Variants in POLDIP3 observed in about 807,000 individuals in gnomAD.
POLDIP3 encodes polymerase delta-interacting protein 3.
A neutral mutation model predicts 45.1 loss-of-function variants in POLDIP3; 14 were observed. That is an observed-to-expected ratio of 0.31 (90% CI 0.20 to 0.49). POLDIP3 has a LOEUF of 0.49. POLDIP3 is among the 20% of genes least tolerant of loss of function. The pLI is 0.99. For missense variants in POLDIP3, 511 were observed against 538.8 expected, an observed-to-expected ratio of 0.95 and a Z score of 0.51; for synonymous variants, 223 against 205.2, an observed-to-expected ratio of 1.09 and a Z score of -0.74.
At chr22:42,600,867 G>A (rs1325456369) in intron 3 of POLDIP3, among the ~76,000 whole-genome samples, 2 of 152,152 alleles carry the variant, frequency 1.3e-5, no homozygotes. Context: ...TACTTGGGAG[G>A]CAGAGGCAGG....
intron 2 of POLDIP3, 123 bp from the exon 3 acceptor site, chr22:42,602,179 A>T: frequency 5.5e-6 from 8 of 1,447,756 alleles, no homozygotes; most frequent in Non-Finnish European, 7.6e-6. Context: ...AAGGCACTAC[A>T]GAGGGCCTTA....
At chr22:42,587,621 T>C in intron 7 of POLDIP3, 49 bp from the exon 8 acceptor site, 1 of 1,542,388 alleles carries the variant, frequency 6.5e-7, no homozygotes, top group East Asian at 2.2e-5. Context: ...CCTCGGCTCC[T>C]CACACAAGAG....
chr22:42,584,729 C>A lies in POLDIP3; in HGVS notation c.*1062G>T, dbSNP rs1372264492. On this transcript the variant is annotated 3_prime_UTR_variant, in exon 9 of 9. Coordinates refer to ENST00000252115, the MANE Select transcript of POLDIP3 (RefSeq NM_032311.5). ...TCCTCTGCCAAGGCAGGAAAATAATCCTCTGGTCATGGATGGATGGGGTCA... is the reference window on the plus strand; with the variant it reads ...TCCTCTGCCAAGGCAGGAAAATAATACTCTGGTCATGGATGGATGGGGTCA... 2.8e-6 allele frequency: 1 copy of A among 361,756 alleles called. No homozygotes were observed. The allele number at this position is 361,756 out of a possible 1,614,324, so 22.4% of individuals were successfully genotyped here. A position where few individuals can be genotyped will look rare whatever the true frequency, so the allele number is the denominator to read the frequency against.
At chr22:42,600,500 C>T (rs548146940) in intron 3 of POLDIP3, among the ~76,000 whole-genome samples, 2 of 152,176 alleles carry the variant, frequency 1.3e-5, no homozygotes, top group African/African-American at 2.4e-5. Flanking sequence ...GTGGCATGCG[C>T]CTGTAGTCCC....
intron 1 of POLDIP3, among the ~76,000 whole-genome samples, chr22:42,607,191 C>T (rs970776322): frequency 2.6e-5 from 4 of 152,210 alleles, no homozygotes; most frequent in Non-Finnish European, 5.9e-5. Context: ...GCCGCCATCT[C>T]GGCTCACTGC....
rs775614860 is a variant in POLDIP3, at chr22:42,585,947, T to C, written c.1110A>G (p.Ser370=). Residue 370 remains serine, a synonymous_variant, in exon 9 of 9, where the codon TCA becomes TCG. Coordinates refer to ENST00000252115, the MANE Select transcript of POLDIP3 (RefSeq NM_032311.5). The part of the protein sequence containing the change: ...PILLRLSDSP[S]MKKESELPRR... The stretch of plus-strand genomic sequence containing the variant: ...GAGGCAGCTCGCTCTCCTTTTTCAT[T>C]GATGGGCTGTCACTCAGCCGCCTGT... 1 of 1,612,876 alleles carries C rather than the reference T, an allele frequency of 6.2e-7. No homozygotes were observed. The highest frequency in any genetic ancestry group is 8.5e-7 in the Non-Finnish European group (1 of 1,179,460).
At chr22:42,594,928 T>C (rs1048006754) in intron 6 of POLDIP3, among the ~76,000 whole-genome samples, 1 of 152,182 alleles carries the variant, frequency 6.6e-6, no homozygotes, top group Non-Finnish European at 1.5e-5. Flanking sequence ...CATTATAGCA[T>C]AGATATCCCC....
intron 4 of POLDIP3, among the ~76,000 whole-genome samples, chr22:42,598,239 C>T (rs960967802): frequency 3.3e-5 from 5 of 149,344 alleles, no homozygotes; most frequent in Non-Finnish European, 5.9e-5. Flanking sequence ...CCCGCCACCA[C>T]ACCCCGGATA....
chr22:42,603,939 A>G (rs1056899415), intron 1 of POLDIP3, among the ~76,000 whole-genome samples: 4 of 152,184 alleles, frequency 2.6e-5, no homozygotes, highest in African/African-American at 9.7e-5. Flanking sequence ...TTAAAATAAA[A>G]TATTTTTTTT....
intron 3 of POLDIP3, among the ~76,000 whole-genome samples, chr22:42,601,471 G>T (rs916022971): frequency 1.3e-5 from 2 of 151,366 alleles, no homozygotes; most frequent in Non-Finnish European, 2.9e-5. Flanking sequence ...CTATTAAGAA[G>T]TTTCTTCTTG....
chr22:42,597,873 G>A, intron 4 of POLDIP3: 1 of 395,614 alleles, frequency 2.5e-6, no homozygotes, highest in East Asian at 7.3e-5. Flanking sequence ...CTCCACCTCG[G>A]GGTTCAAACA....
chr22:42,596,439 A>G, intron 4 of POLDIP3, 74 bp from the exon 5 acceptor site: 2 of 1,432,484 alleles, frequency 1.4e-6, no homozygotes, highest in Non-Finnish European at 1.9e-6. Context: ...GAGGTTGACA[A>G]CTTGCTGAGA....
At chr22:42,601,922 G>C (rs769094976) in intron 3 of POLDIP3, 48 bp downstream of exon 3, 2 of 1,592,812 alleles carry the variant, frequency 1.3e-6, no homozygotes, top group African/African-American at 1.3e-5. Flanking sequence ...CTACATGTTC[G>C]CTATGTACAC....
Position 42,585,824 on chromosome 22 carries a change from G to C in POLDIP3, c.1233C>G (p.Thr411=). The C allele has an allele frequency of 1.2e-6, 2 of 1,612,658 alleles. No individual in the cohort carries two copies. The highest frequency in any genetic ancestry group is 1.7e-6 in the Non-Finnish European group (2 of 1,179,892). ...ALFKSSGASV[T]TQPTEFKIKL is the part of the protein sequence containing the mutation. ...TGATTTTGAATTCTGTGGGCTGCGT[G>C]GTCACAGAGGCCCCTGAGGACTTGA... Residue 411 remains threonine, a synonymous_variant, in exon 9 of 9, where the codon ACC becomes ACG. Coordinates refer to ENST00000252115, the MANE Select transcript of POLDIP3 (RefSeq NM_032311.5).
intron 1 of POLDIP3, among the ~76,000 whole-genome samples, chr22:42,605,110 G>A (rs1219816792): frequency 2.0e-5 from 3 of 152,134 alleles, no homozygotes; most frequent in Non-Finnish European, 4.4e-5. Context: ...CTGTGACAAG[G>A]AAGTTTCTTT....
chr22:42,595,189 C>G (rs1359853693), intron 6 of POLDIP3, among the ~76,000 whole-genome samples: 1 of 152,242 alleles, frequency 6.6e-6, no homozygotes, highest in Non-Finnish European at 1.5e-5. Context: ...ACATGCTACA[C>G]AGAGAATGCC....
rs747338994 is a variant in POLDIP3, at chr22:42,614,821, G to T, written c.37C>A (p.Arg13Ser). Residue 13 changes from arginine (R) to serine (S), a missense_variant, in exon 1 of 9, where the codon CGC becomes AGC. This residue lies in a region of POLDIP3 where 378 missense variants were observed against 352.3 expected (regional missense o/e 1.07). Coordinates refer to ENST00000252115, the MANE Select transcript of POLDIP3 (RefSeq NM_032311.5). ...DISLDELIRK[R>S]GAAAKGRLNA... The stretch of plus-strand genomic sequence containing the variant: ...CACCGTCCTTTCGCCGCCGCCCCGC[G>T]CTTCCTGATGAGTTCGTCCAGGGAG... 1 of 1,613,936 alleles carries T rather than the reference G, an allele frequency of 6.2e-7. No homozygotes were observed. Among genetic ancestry groups the T allele is most frequent in the Non-Finnish European group, 8.5e-7 (1 of 1,179,944 alleles).
chr22:42,603,269 A>G, intron 1 of POLDIP3, 109 bp from the exon 2 acceptor site: 1 of 1,195,088 alleles, frequency 8.4e-7, no homozygotes, highest in Non-Finnish European at 1.2e-6. Context: ...GGAGAATCAG[A>G]AAGCGGCTCC....
chr22:42,603,000 C>G lies in POLDIP3; in HGVS notation c.220G>C (p.Ala74Pro). ...TCTTTCTGCAAAAGCTTCTCCCGGG[C>G]ATCCTTGACTCCCAGTTTGAGCCGG... ...DARLKLGVKD[A>P]REKLLQKDAR... Residue 74 changes from alanine to proline, a missense_variant, in exon 2 of 9, where the codon GCC becomes CCC. Transcript: ENST00000252115. The G allele has an allele frequency of 6.2e-7, 1 of 1,614,154 alleles. No homozygotes were observed.
Sources: gnomAD v4.1 joint callset for allele counts (sites outside exome capture counted in the v4.1 genomes callset) on GRCh38, gnomAD v4.1.1 for gene constraint, gnomAD v4.1.1 regional missense constraint, MANE v1.5 for transcripts, NCBI Gene and HGNC (gene_info 2026-07-23, HGNC 2026-07-21) for gene names.